The following RLF variants were observed in gnomAD, a reference collection of about 807,000 sequenced individuals.
RLF encodes RLF zinc finger, also known as zinc finger protein Rlf.
A neutral mutation model predicts 162.9 loss-of-function variants in RLF; 7 were observed. The observed-to-expected ratio is 0.04, with a 90% CI of 0.02 to 0.08. The LOEUF is 0.08. Among genes scored for constraint, RLF ranks in the 10% least tolerant of loss-of-function variants. RLF has a pLI of 1.00. For synonymous variants in RLF, 782 were observed against 791.5 expected (o/e 0.99, Z 0.20); for missense variants, 1,664 against 2,244.7 (o/e 0.74, Z 5.23).
At chr1:40,214,773 A>G (rs919677163) in intron 5 of RLF, among the ~76,000 whole-genome samples, 1 of 151,622 alleles carries the variant, frequency 6.6e-6, no homozygotes, top group African/African-American at 2.4e-5. Flanking sequence ...AATTTTTCAA[A>G]TTAGCTGGGT....
At chr1:40,166,568 A>G (rs934552848) in intron 1 of RLF, among the ~76,000 whole-genome samples, 5 of 152,072 alleles carry the variant, frequency 3.3e-5, no homozygotes, top group African/African-American at 9.7e-5. Context: ...TGTTTATTGC[A>G]GCACTATTCA....
intron 1 of RLF, among the ~76,000 whole-genome samples, chr1:40,163,354 G>A (rs1355487310): frequency 4.6e-5 from 7 of 152,140 alleles, no homozygotes; most frequent in Non-Finnish European, 8.8e-5. Flanking sequence ...AACAACTGTG[G>A]GTTTTGGGTA....
At chr1:40,188,300 CAT>C (rs1377064883) in intron 1 of RLF, among the ~76,000 whole-genome samples, 12 of 152,114 alleles carry the variant, frequency 7.9e-5, no homozygotes, top group Non-Finnish European at 4.4e-5. Flanking sequence ...TGATAGGACA[CAT>C]ATAATTTATC....
rs56209515 is a variant in RLF at position 40,194,807 on chromosome 1, GTTATTTATTTAT to G, written c.475-792_475-781del. On this transcript the variant is annotated intron_variant, in intron 3 of 7. Coordinates refer to ENST00000372771, the MANE Select transcript of RLF (RefSeq NM_012421.4). Reference sequence around the variant, plus strand: ...TCTTTTACTTAGTGAAAACATCCTAGTTATTTATTTATTTATTTATTTATTTATTTATTTATT... The same window carrying G: ...TCTTTTACTTAGTGAAAACATCCTAGTTATTTATTTATTTATTTATTTATT... 5.7e-3 allele frequency among the ~76,000 whole-genome samples: 818 copies of G among 144,118 alleles called. 3 individuals carry two copies. The highest frequency in any genetic ancestry group is 0.016 in the African/African-American group (617 of 39,192). The allele number at this position is 144,118 out of a possible 152,430, so 94.5% of individuals were successfully genotyped here.
chr1:40,235,888 A>G lies in RLF; in HGVS notation c.1186A>G (p.Lys396Glu). Residue 396 changes from lysine to glutamate, a missense_variant, in exon 8 of 8, where the codon AAA becomes GAA. Transcript: ENST00000372771. ...TGAGGAAATGAAGGCATCAGTTTGT[A>G]AAACAATTGCCTGTCTTTTACCAGA... Reference protein sequence around the residue: ...EDEEMKASVCKTIACLLPEDL... With the variant: ...EDEEMKASVCETIACLLPEDL... 1 of 1,614,076 alleles carries G rather than the reference A, an allele frequency of 6.2e-7. No individual in the cohort carries two copies. The highest frequency in any genetic ancestry group is 8.5e-7 in the Non-Finnish European group (1 of 1,179,944).
intron 1 of RLF, among the ~76,000 whole-genome samples, chr1:40,188,678 A>G (rs1429516715): frequency 2.6e-5 from 4 of 152,034 alleles, no homozygotes; most frequent in African/African-American, 9.7e-5. Context: ...GGAATAATTC[A>G]TCTCTTGTTG....
intron 5 of RLF, among the ~76,000 whole-genome samples, chr1:40,207,564 T>C (rs954149462): frequency 6.6e-6 from 1 of 152,196 alleles, no homozygotes; most frequent in Non-Finnish European, 1.5e-5. Context: ...CCCCCTGCTA[T>C]GGCCCAGATC....
intron 1 of RLF, among the ~76,000 whole-genome samples, chr1:40,180,226 C>T (rs756380575): frequency 2.6e-5 from 4 of 152,018 alleles, no homozygotes; most frequent in Non-Finnish European, 5.9e-5. Flanking sequence ...CCTATTTCTC[C>T]ACACCCTTGC....
intron 4 of RLF, among the ~76,000 whole-genome samples, chr1:40,198,322 AAGAC>A (rs1303342309): frequency 2.6e-5 from 3 of 113,606 alleles, no homozygotes; most frequent in Non-Finnish European, 1.8e-5. Flanking sequence ...TTTTTTTTTA[AAGAC>A]AGCGTTTCAC....
intron 7 of RLF, among the ~76,000 whole-genome samples, chr1:40,234,975 ATTC>A (rs1172318364): frequency 1.3e-5 from 2 of 151,630 alleles, no homozygotes; most frequent in Admixed American, 1.3e-4. Flanking sequence ...AAATTACCAG[ATTC>A]TTTCAGGAGG....
chr1:40,162,586 C>T (rs1642107970), intron 1 of RLF, among the ~76,000 whole-genome samples: 1 of 152,120 alleles, frequency 6.6e-6, no homozygotes, highest in South Asian at 2.1e-4. Context: ...AATAAGTAGT[C>T]CAGTATGCTG....
At chr1:40,214,941 A>C (rs1437420389) in intron 5 of RLF, among the ~76,000 whole-genome samples, 1 of 150,104 alleles carries the variant, frequency 6.7e-6, no homozygotes, top group Non-Finnish European at 1.5e-5. Context: ...AAAAAAAAAA[A>C]AAAACTAAAG....
At position 40,200,972 on chromosome 1, in the gene RLF, T is replaced by TACACACACAC. The variant is rs1037003735; in HGVS notation, c.608-1437_608-1428dup. On this transcript the variant is annotated intron_variant, in intron 4 of 7. Transcript: ENST00000372771. ...TCCTTAGTATAAACCATTGCTACTC[T>TACACACACAC]ACACACACACACCCCAGTGGTTTAT... Among the ~76,000 whole-genome samples, 21 of 98,946 alleles carry TACACACACAC rather than the reference T, an allele frequency of 2.1e-4. 2 individuals are homozygous for TACACACACAC. Among genetic ancestry groups the TACACACACAC allele is most frequent in the African/African-American group, 9.2e-4 (21 of 22,906 alleles). The allele number at this position is 98,946 out of a possible 152,430, so 64.9% of individuals were successfully genotyped here. A position where few individuals can be genotyped will look rare whatever the true frequency, so the allele number is the denominator to read the frequency against.
intron 7 of RLF, among the ~76,000 whole-genome samples, chr1:40,235,336 A>G (rs1417385128): frequency 6.6e-6 from 1 of 152,158 alleles, no homozygotes; most frequent in African/African-American, 2.4e-5. Context: ...TACAGGCGTG[A>G]GCCACCGTGC....
chr1:40,161,500 TTCGGGGTCA>T lies in RLF; in HGVS notation c.105_113del (p.Gly36_Arg38del), dbSNP rs1427005971. 1 of 1,604,520 alleles carries T rather than the reference TTCGGGGTCA, an allele frequency of 6.2e-7. No homozygotes were observed. Among genetic ancestry groups the T allele is most frequent in the Admixed American group, 1.7e-5 (1 of 58,362 alleles). ...GATGGAGTCGAGACTGAGTCCATGG[TTCGGGGTCA>T]TCGCCCCGTATCTCCAGCGCCGGGA... On this transcript the variant is annotated inframe_deletion, in exon 1 of 8. Transcript: ENST00000372771. The surrounding 1 kb of genome is among the most constrained non-coding windows in gnomAD (Gnocchi z 4.4).
intron 5 of RLF, among the ~76,000 whole-genome samples, chr1:40,203,747 C>G (rs1642751218): frequency 6.6e-6 from 1 of 152,054 alleles, no homozygotes; most frequent in Admixed American, 6.6e-5. Flanking sequence ...TGGATTCTTA[C>G]TCTGAACTGA....
rs1353169095 is a variant in RLF at position 40,236,067 on chromosome 1, C to G, written c.1365C>G (p.Leu455=). 1 of 1,614,092 alleles carries G rather than the reference C, an allele frequency of 6.2e-7. No individual in the cohort carries two copies. Among genetic ancestry groups the G allele is most frequent in the East Asian group, 2.2e-5 (1 of 44,870 alleles). Residue 455 remains leucine, a synonymous_variant, in exon 8 of 8, where the codon CTC becomes CTG. Transcript: ENST00000372771. This position sits in a 1 kb window ranked among gnomAD's most constrained non-coding sequence, Gnocchi z 7.7. ...TTCCAAATTCTCTTCGATGTGAGCT[C>G]TTACTAGCTTTAAAAGCCCACTGGC... The part of the protein sequence containing the change: ...APVPNSLRCE[L]LLALKAHWPF...
Position 40,189,168 on chromosome 1 carries a change from T to C in RLF, c.351T>C (p.Thr117=), listed in dbSNP as rs1393085947. The C allele has an allele frequency of 8.1e-6, 13 of 1,613,852 alleles. No homozygotes were observed. Among genetic ancestry groups the C allele is most frequent in the Non-Finnish European group, 1.1e-5 (13 of 1,179,888 alleles). ...CCAGTGCACGTCCATACTTAACTAC[T>C]GAATGTGAAGATGTCCTCTTAGTGC... ...SFASARPYLT[T]ECEDVLLVLG... The change falls in exon 2 of 8, where the codon ACT becomes ACC. Residue 117 remains threonine (T), a synonymous_variant. Transcript: ENST00000372771.
At chr1:40,170,940 G>A (rs548304504) in intron 1 of RLF, among the ~76,000 whole-genome samples, 2 of 152,218 alleles carry the variant, frequency 1.3e-5, no homozygotes, top group South Asian at 2.1e-4. Context: ...GAGTGCTATT[G>A]TTATTATTAT....
Sources: gnomAD v4.1 joint callset for allele counts (sites outside exome capture counted in the v4.1 genomes callset) on GRCh38, gnomAD v4.1.1 for gene constraint, Gnocchi (gnomAD v3.1) non-coding constraint, MANE v1.5 for transcripts, NCBI Gene and HGNC (gene_info 2026-07-23, HGNC 2026-07-21) for gene names.